Variants in TNFSF4 observed in about 807,000 individuals in gnomAD.
The protein encoded by TNFSF4 is TNF superfamily member 4.
In TNFSF4, 4 loss-of-function variants were observed where a neutral mutation model predicts 7.3. The observed-to-expected ratio is 0.55, with a 90% confidence interval of 0.27 to 1.25. The LOEUF is 1.25. Among genes scored for constraint, TNFSF4 ranks in the 50% most tolerant of loss-of-function variants. TNFSF4 has a pLI of 0.12. For missense variants in TNFSF4, 181 were observed against 208.8 expected (o/e 0.87, Z 0.82); for synonymous variants, 76 against 83.7 (o/e 0.91, Z 0.50).
At chr1:173,254,425 G>A in the TNFSF4 span, among the ~76,000 whole-genome samples, 2 of 152,086 alleles carry the variant, frequency 1.3e-5, no homozygotes, top group African/African-American at 4.8e-5. Flanking sequence ...TAAAGCAGAA[G>A]GGACTTCCTT....
At chr1:173,342,101 G>C in the TNFSF4 span, among the ~76,000 whole-genome samples, 1,035 of 152,244 alleles carry the variant, frequency 6.8e-3, 16 homozygotes, top group Non-Finnish European at 0.01. Flanking sequence ...TACTGCAAGG[G>C]GGGAGGGGAC....
At chr1:173,202,198 A>G (rs539651075) in intron 1 of TNFSF4, among the ~76,000 whole-genome samples, 60 of 152,234 alleles carry the variant, frequency 3.9e-4, no homozygotes, top group African/African-American at 1.3e-3. Flanking sequence ...AGAGGAACAG[A>G]GAGATTGTAT....
the TNFSF4 span, among the ~76,000 whole-genome samples, chr1:173,345,522 T>C: frequency 6.6e-6 from 1 of 151,858 alleles, no homozygotes; most frequent in Non-Finnish European, 1.5e-5. Context: ...TAACAGAAAA[T>C]CCTCAAAGAT....
the TNFSF4 span, among the ~76,000 whole-genome samples, chr1:173,361,530 C>T: frequency 1.3e-5 from 2 of 151,948 alleles, no homozygotes; most frequent in South Asian, 2.1e-4. Flanking sequence ...ACCCAGAAGG[C>T]GGAGGTTGCA....
chr1:173,407,111 A>G, the TNFSF4 span, among the ~76,000 whole-genome samples: 12,091 of 151,970 alleles, frequency 0.08, 1,542 homozygotes, highest in African/African-American at 0.27. Flanking sequence ...GAGCAAAGGC[A>G]GTGGCCACTG....
At chr1:173,194,801 G>A (rs1186638065) in intron 1 of TNFSF4, among the ~76,000 whole-genome samples, 1 of 151,508 alleles carries the variant, frequency 6.6e-6, no homozygotes, top group Non-Finnish European at 1.5e-5. Context: ...AAGCTAAGGT[G>A]GGAGGATCGC....
upstream of TNFSF4, among the ~76,000 whole-genome samples, chr1:173,212,151 G>T (rs944868575): frequency 3.3e-5 from 5 of 152,092 alleles, no homozygotes; most frequent in African/African-American, 1.2e-4. Context: ...ACCAGCTCTT[G>T]CAGGAACAAA....
At chr1:173,340,737 G>A in the TNFSF4 span, among the ~76,000 whole-genome samples, 4 of 151,058 alleles carry the variant, frequency 2.6e-5, no homozygotes, top group African/African-American at 9.7e-5. Context: ...TTTTAGAATG[G>A]GAATGAGGGG....
the TNFSF4 span, among the ~76,000 whole-genome samples, chr1:173,343,334 A>G: frequency 4.6e-5 from 7 of 152,232 alleles, no homozygotes; most frequent in African/African-American, 1.4e-4. Context: ...AAAAGGTGAC[A>G]TGCAAGTCCT....
At chr1:173,277,081 CCTT>C in the TNFSF4 span, among the ~76,000 whole-genome samples, 1 of 152,126 alleles carries the variant, frequency 6.6e-6, no homozygotes, top group Non-Finnish European at 1.5e-5. Flanking sequence ...TAGAGTGAAA[CCTT>C]CTCTTTGAAC....
At chr1:173,347,326 A>G in the TNFSF4 span, among the ~76,000 whole-genome samples, 1 of 152,184 alleles carries the variant, frequency 6.6e-6, no homozygotes, top group Non-Finnish European at 1.5e-5. Flanking sequence ...TATAATTTTT[A>G]TTTAAAGTAA....
chr1:173,268,352 A>C, the TNFSF4 span, among the ~76,000 whole-genome samples: 1 of 152,154 alleles, frequency 6.6e-6, no homozygotes, highest in Non-Finnish European at 1.5e-5. Flanking sequence ...ATATATGTAA[A>C]GGAAATATTT....
At chr1:173,248,422 A>G in the TNFSF4 span, among the ~76,000 whole-genome samples, 1 of 150,686 alleles carries the variant, frequency 6.6e-6, no homozygotes, top group Non-Finnish European at 1.5e-5. Flanking sequence ...AAAGAAGGAA[A>G]GAGGGAGAAA....
chr1:173,246,235 C>T, the TNFSF4 span, among the ~76,000 whole-genome samples: 1 of 151,968 alleles, frequency 6.6e-6, no homozygotes, highest in Non-Finnish European at 1.5e-5. Context: ...GTTTGCTGCA[C>T]CTATTAACTG....
At chr1:173,394,943 T>TAGATAGAC in the TNFSF4 span, among the ~76,000 whole-genome samples, 1 of 149,684 alleles carries the variant, frequency 6.7e-6, no homozygotes, top group Non-Finnish European at 1.5e-5. Context: ...GATAGATAGA[T>TAGATAGAC]AGACAGACAG....
chr1:173,431,154 A>C, the TNFSF4 span, among the ~76,000 whole-genome samples: 1 of 152,242 alleles, frequency 6.6e-6, no homozygotes, highest in Non-Finnish European at 1.5e-5. Flanking sequence ...GTAGACCTAA[A>C]GTAAATGAAT....
the TNFSF4 span, among the ~76,000 whole-genome samples, chr1:173,288,392 T>C: frequency 6.6e-6 from 1 of 151,984 alleles, no homozygotes; most frequent in Non-Finnish European, 1.5e-5. Context: ...GCTGAGGTGG[T>C]GCCACTGCAT....
the TNFSF4 span, among the ~76,000 whole-genome samples, chr1:173,349,411 C>T: frequency 4.5e-3 from 683 of 152,242 alleles, 4 homozygotes; most frequent in Middle Eastern, 0.014. Flanking sequence ...TAAATGTATT[C>T]GATGGACTTT....
the TNFSF4 span, among the ~76,000 whole-genome samples, chr1:173,445,646 C>T: frequency 6.6e-6 from 1 of 152,126 alleles, no homozygotes; most frequent in African/African-American, 2.4e-5. Flanking sequence ...CCACATAGCA[C>T]CCAAAATGGT....
Sources: gnomAD v4.1 joint callset for allele counts (sites outside exome capture counted in the v4.1 genomes callset) on GRCh38, gnomAD v4.1.1 for gene constraint, MANE v1.5 for transcripts, NCBI Gene and HGNC (gene_info 2026-07-23, HGNC 2026-07-21) for gene names.